The following GLI3 variants were observed in gnomAD, a reference collection of about 807,000 sequenced individuals.
GLI3 encodes GLI family zinc finger 3, also known as transcription activator GLI3.
A neutral mutation model predicts 100.8 loss-of-function variants in GLI3; 20 were observed. The observed-to-expected ratio is 0.20, with a 90% confidence interval of 0.14 to 0.29. The LOEUF (loss-of-function observed/expected upper bound fraction) is 0.29. Among genes scored for constraint, GLI3 ranks in the 10% least tolerant of loss-of-function variants. The pLI is 1.00. For missense variants in GLI3, 2,040 were observed against 2,128.5 expected (o/e 0.96, Z 0.82); for synonymous variants, 938 against 860.5 (o/e 1.09, Z -1.58).
At chr7:42,252,645 A>G (rs913234259) in intron 1 of GLI3, among the ~76,000 whole-genome samples, 1 of 152,222 alleles carries the variant, frequency 6.6e-6, no homozygotes, top group Non-Finnish European at 1.5e-5. Context: ...CGTTTTCTTT[A>G]TATTATATAA....
At chr7:42,234,691 T>C (rs1788755947) in intron 1 of GLI3, among the ~76,000 whole-genome samples, 4 of 152,150 alleles carry the variant, frequency 2.6e-5, no homozygotes, top group Admixed American at 2.6e-4. Flanking sequence ...TCTATATCTT[T>C]AAAGTGTTTC....
intron 4 of GLI3, among the ~76,000 whole-genome samples, chr7:42,076,342 T>C (rs1784878144): frequency 6.6e-6 from 1 of 152,238 alleles, no homozygotes; most frequent in Admixed American, 6.5e-5. Context: ...AAATTTACCA[T>C]AAAAATTTCA....
At chr7:41,993,826 A>T (rs921135562) in intron 10 of GLI3, among the ~76,000 whole-genome samples, 1 of 152,142 alleles carries the variant, frequency 6.6e-6, no homozygotes, top group African/African-American at 2.4e-5. Context: ...ATTTCCTGTG[A>T]TTGCTCTATT....
rs931411729 is a variant in GLI3, at chr7:42,083,670, GA to G, written c.368-6814del. On this transcript the variant is annotated intron_variant, in intron 3 of 14. Coordinates refer to ENST00000395925, the MANE Select transcript of GLI3 (RefSeq NM_000168.6). The stretch of plus-strand genomic sequence containing the variant: ...AATTTGCAGAAATTATTACATTTCA[GA>G]AAAAAAAATATCAATTTTTTATTTA... 2.2e-4 allele frequency among the ~76,000 whole-genome samples: 33 copies of G among 151,194 alleles called. No individual in the cohort carries two copies. In the East Asian group the frequency reaches 2.3e-3, roughly 11 times the overall value.
intron 1 of GLI3, among the ~76,000 whole-genome samples, chr7:42,252,195 C>T (rs926932912): frequency 6.6e-5 from 10 of 151,610 alleles, no homozygotes; most frequent in African/African-American, 2.4e-4. Flanking sequence ...CTTGTGAGAA[C>T]ATGGATGGAG....
At chr7:42,238,271 C>T (rs1788875066), upstream of GLI3, among the ~76,000 whole-genome samples, 1 of 152,072 alleles carries the variant, frequency 6.6e-6, no homozygotes, top group South Asian at 2.1e-4. Flanking sequence ...CTCCCATCTT[C>T]TCCCACCCAG....
chr7:42,023,558 T>C lies in GLI3; in HGVS notation c.1407A>G (p.Glu469=). 6.2e-7 allele frequency: 1 copy of C among 1,613,846 alleles called. No individual in the cohort carries two copies. The highest frequency in any genetic ancestry group is 8.5e-7 in the Non-Finnish European group (1 of 1,179,846). ...AGATGACTTCAGGCTCCTGTTTGCT[T>C]TCATCTTTGTCCCCTTCCTCCTTGA... ...TLVKEEGDKD[E]SKQEPEVIYE... Residue 469 remains glutamate (E), a synonymous_variant, in exon 10 of 15, where the codon GAA becomes GAG. Transcript: ENST00000395925.
At chr7:42,083,336 A>G (rs1017932094) in intron 3 of GLI3, among the ~76,000 whole-genome samples, 2 of 152,236 alleles carry the variant, frequency 1.3e-5, no homozygotes, top group Admixed American at 1.3e-4. Context: ...CATGACCTAC[A>G]GTTCCATCCA....
chr7:42,126,129 T>A (rs996749910), intron 3 of GLI3, among the ~76,000 whole-genome samples: 1 of 152,190 alleles, frequency 6.6e-6, no homozygotes, highest in African/African-American at 2.4e-5. Flanking sequence ...GTAAAACAGT[T>A]CCCTCTGAGA....
intron 1 of GLI3, among the ~76,000 whole-genome samples, chr7:42,257,945 G>T (rs1390960743): frequency 6.6e-6 from 1 of 151,932 alleles, no homozygotes; most frequent in Admixed American, 6.6e-5. Context: ...TGCTGGATTT[G>T]GTTTGTTGAA....
intron 10 of GLI3, among the ~76,000 whole-genome samples, chr7:42,004,846 G>A (rs1788406138): frequency 6.6e-6 from 1 of 152,114 alleles, no homozygotes; most frequent in Non-Finnish European, 1.5e-5. Context: ...GGCAAAATCC[G>A]AATGGTATAT....
chr7:42,247,813 G>A (rs73311744), intron 1 of GLI3, among the ~76,000 whole-genome samples: 1,645 of 152,290 alleles, frequency 0.011, 22 homozygotes, highest in African/African-American at 0.037. Flanking sequence ...CCTTGTACAA[G>A]GAGTTTCTCT....
At chr7:42,243,852 G>A (rs1788947114) in intron 1 of GLI3, among the ~76,000 whole-genome samples, 2 of 152,134 alleles carry the variant, frequency 1.3e-5, no homozygotes, top group East Asian at 3.9e-4. Context: ...GTTGTTGTTT[G>A]AGACAGAGTC....
intron 3 of GLI3, among the ~76,000 whole-genome samples, chr7:42,135,923 A>C (rs1286071247): frequency 7.2e-5 from 11 of 152,150 alleles, no homozygotes; most frequent in Non-Finnish European, 1.6e-4. Flanking sequence ...GTAAGCATTA[A>C]GTATATTTAT....
chr7:42,057,499 T>A (rs986889563), intron 4 of GLI3, among the ~76,000 whole-genome samples: 1 of 152,226 alleles, frequency 6.6e-6, no homozygotes, highest in Non-Finnish European at 1.5e-5. Flanking sequence ...CAATCACGTG[T>A]GCATATGTGC....
At chr7:42,241,759 G>A (rs1043941450), upstream of GLI3, among the ~76,000 whole-genome samples, 1 of 152,116 alleles carries the variant, frequency 6.6e-6, no homozygotes, top group Non-Finnish European at 1.5e-5. Flanking sequence ...CCCACAAGTT[G>A]GGAAGATCTA....
At chr7:42,154,844 C>G (rs926829039) in intron 2 of GLI3, among the ~76,000 whole-genome samples, 1 of 152,222 alleles carries the variant, frequency 6.6e-6, no homozygotes, top group Non-Finnish European at 1.5e-5. Flanking sequence ...ACAATGCCCA[C>G]TCTAAGAACA....
chr7:42,109,955 C>CT (rs905219915), intron 3 of GLI3, among the ~76,000 whole-genome samples: 11 of 152,124 alleles, frequency 7.2e-5, no homozygotes, highest in South Asian at 4.1e-4. Flanking sequence ...CTTTAGGATA[C>CT]TTTTTTTATA....
At chr7:42,170,222 A>C (rs1410062341) in intron 2 of GLI3, among the ~76,000 whole-genome samples, 1 of 148,792 alleles carries the variant, frequency 6.7e-6, no homozygotes, top group Non-Finnish European at 1.5e-5. Context: ...ACTGCACTCC[A>C]GCCTGGGCGA....
Sources: allele counts gnomAD v4.1 joint callset (sites outside exome capture counted in the v4.1 genomes callset), GRCh38; gene constraint gnomAD v4.1.1; transcripts MANE v1.5; gene names NCBI Gene and HGNC (gene_info 2026-07-23, HGNC 2026-07-21).